SOBP: variants seen among roughly 807,000 people sequenced by gnomAD.
SOBP encodes sine oculis binding protein homolog, also known as sine oculis-binding protein homolog.
SOBP carries 4 observed loss-of-function variants against 53.6 expected under a neutral mutation model. The ratio of observed to expected loss-of-function variants is 0.07; its 90% CI spans 0.04 to 0.17. The LOEUF (loss-of-function observed/expected upper bound fraction) is 0.17, where lower values mean the gene tolerates loss of function less well. Ranked by LOEUF, SOBP falls within the 10% of genes least tolerant of loss-of-function variation. SOBP has a pLI of 1.00. For missense variants in SOBP, 1,088 were observed against 1,204.7 expected (o/e 0.90, Z 1.43); for synonymous variants, 584 against 522.6 (o/e 1.12, Z -1.60).
intron 4 of SOBP, among the ~76,000 whole-genome samples, chr6:107,567,460 A>C (rs1784951798): frequency 6.6e-6 from 1 of 152,162 alleles, no homozygotes; most frequent in Non-Finnish European, 1.5e-5. Context: ...ATTTTCCATT[A>C]ATGTGTATAT....
In SOBP at chr6:107,614,519, G is replaced by A. The variant is rs145948952; in HGVS notation, c.670-18995G>A. ...TGCTAAGTAGCTTCGAGAGAGAGGG[G>A]GCCAGGCCCATGGGTAGGGTTTGCA... On this transcript the variant is annotated intron_variant, in intron 5 of 6. Coordinates refer to ENST00000317357, the MANE Select transcript of SOBP (RefSeq NM_018013.4). Among the ~76,000 whole-genome samples the A allele has an allele frequency of 2.3e-4, 35 of 152,268 alleles. No individual in the cohort carries two copies. The East Asian group carries it at 6.6e-3, about 29-fold the overall frequency.
At chr6:107,520,293 A>C (rs1783444356) in intron 3 of SOBP, among the ~76,000 whole-genome samples, 1 of 152,374 alleles carries the variant, frequency 6.6e-6, no homozygotes, top group South Asian at 2.1e-4. Context: ...TGTTATTGTG[A>C]GAGCTTCAGA....
chr6:107,630,960 G>C (rs1473106913), intron 5 of SOBP, among the ~76,000 whole-genome samples: 2 of 152,162 alleles, frequency 1.3e-5, no homozygotes, highest in African/African-American at 4.8e-5. Flanking sequence ...AAATCGATGA[G>C]ATATGGTGGA....
chr6:107,533,666 C>T, intron 4 of SOBP, 56 bp downstream of exon 4: 1 of 1,606,136 alleles, frequency 6.2e-7, no homozygotes, highest in Non-Finnish European at 8.5e-7. Context: ...CCCACACGCG[C>T]ATGTGCCTCA....
At chr6:107,591,250 A>G (rs1032736769) in intron 5 of SOBP, among the ~76,000 whole-genome samples, 2 of 152,218 alleles carry the variant, frequency 1.3e-5, no homozygotes, top group African/African-American at 4.8e-5. Flanking sequence ...ACCTCAGAGC[A>G]TATCATAAGG....
Position 107,514,360 on chromosome 6 carries a change from T to G in SOBP, c.421+7933T>G, listed in dbSNP as rs554743469. On this transcript the variant is annotated intron_variant, in intron 3 of 6. Transcript: ENST00000317357. ...TCAAGAACTGTTATATTTATACAGT[T>G]GAGGGGAAATGGCACCTGAAACTTA... The G allele has an allele frequency of 2.8e-4, 42 of 152,262 alleles. 1 individual carries two copies. The highest frequency in any genetic ancestry group is 1.0e-3 in the African/African-American group (42 of 41,536). 9.4% of individuals were successfully genotyped at this position (152,262 alleles called of 1,614,324 possible). A position where few individuals can be genotyped will look rare whatever the true frequency, so the allele number is the denominator to read the frequency against.
chr6:107,529,744 C>A, intron 3 of SOBP: 1 of 326,188 alleles, frequency 3.1e-6, no homozygotes, highest in Non-Finnish European at 4.4e-6. Flanking sequence ...TCCAGAAATG[C>A]TTGATCTCAT....
At chr6:107,555,856 G>A (rs1400327510) in intron 4 of SOBP, among the ~76,000 whole-genome samples, 2 of 152,186 alleles carry the variant, frequency 1.3e-5, no homozygotes, top group African/African-American at 4.8e-5. Context: ...AAGAAAGCGG[G>A]TTCTCCTGAT....
intron 6 of SOBP, among the ~76,000 whole-genome samples, chr6:107,653,404 G>A (rs1771891107): frequency 6.6e-6 from 1 of 152,244 alleles, no homozygotes. Flanking sequence ...AAACAGCGTT[G>A]CCGCAGCCAG....
intron 4 of SOBP, among the ~76,000 whole-genome samples, chr6:107,577,721 T>C (rs1017592253): frequency 1.3e-5 from 2 of 152,178 alleles, no homozygotes; most frequent in African/African-American, 4.8e-5. Context: ...TTTCTGGTAT[T>C]GAGAGGCCTA....
chr6:107,515,893 G>C (rs1045378267), intron 3 of SOBP, among the ~76,000 whole-genome samples: 1 of 152,014 alleles, frequency 6.6e-6, no homozygotes, highest in Non-Finnish European at 1.5e-5. Flanking sequence ...GGAATGCAAG[G>C]TTGGTTTAAA....
intron 4 of SOBP, among the ~76,000 whole-genome samples, chr6:107,543,658 A>G (rs900741594): frequency 7.2e-5 from 11 of 152,188 alleles, no homozygotes; most frequent in Non-Finnish European, 5.9e-5. Context: ...TCTAGAGAGA[A>G]AGAGAGATGA....
intron 4 of SOBP, among the ~76,000 whole-genome samples, chr6:107,551,532 T>C (rs1338858608): frequency 1.3e-5 from 2 of 152,172 alleles, no homozygotes; most frequent in Non-Finnish European, 2.9e-5. Context: ...ATGTCACAGC[T>C]ACAACCTGGC....
chr6:107,567,377 G>A (rs1334505018), intron 4 of SOBP, among the ~76,000 whole-genome samples: 1 of 152,190 alleles, frequency 6.6e-6, no homozygotes, highest in Admixed American at 6.5e-5. Flanking sequence ...TCTAGCCTAT[G>A]AGGATGGCTC....
intron 3 of SOBP, among the ~76,000 whole-genome samples, chr6:107,530,062 C>T (rs1038075498): frequency 3.3e-5 from 5 of 152,146 alleles, no homozygotes; most frequent in African/African-American, 1.2e-4. Flanking sequence ...TATAAAAATG[C>T]ACAGGCTGAT....
At chr6:107,550,907 A>G (rs1784441739) in intron 4 of SOBP, among the ~76,000 whole-genome samples, 1 of 152,248 alleles carries the variant, frequency 6.6e-6, no homozygotes, top group Non-Finnish European at 1.5e-5. Flanking sequence ...GATTTTTGAC[A>G]TCATTTTGCC....
intron 6 of SOBP, among the ~76,000 whole-genome samples, chr6:107,641,673 A>T (rs1266772800): frequency 6.6e-6 from 1 of 152,204 alleles, no homozygotes; most frequent in East Asian, 1.9e-4. Flanking sequence ...ACTGGAAATC[A>T]GTTCCCTGAC....
intron 5 of SOBP, among the ~76,000 whole-genome samples, chr6:107,599,546 CATTTT>C (rs1263081619): frequency 5.6e-5 from 8 of 141,640 alleles, no homozygotes; most frequent in South Asian, 2.4e-4. Context: ...TCAAAAAAAA[CATTTT>C]ATTTAATTTG....
At chr6:107,527,462 T>C (rs1230368064) in intron 3 of SOBP, among the ~76,000 whole-genome samples, 1 of 152,218 alleles carries the variant, frequency 6.6e-6, no homozygotes, top group Non-Finnish European at 1.5e-5. Flanking sequence ...GGGGATGTGA[T>C]TGGAGAGACT....
Sources: allele counts gnomAD v4.1 joint callset (sites outside exome capture counted in the v4.1 genomes callset), GRCh38; gene constraint gnomAD v4.1.1; transcripts MANE v1.5; gene names NCBI Gene and HGNC (gene_info 2026-07-23, HGNC 2026-07-21).